NR2C2: variants seen among roughly 807,000 people sequenced by gnomAD.
NR2C2 encodes nuclear receptor subfamily 2 group C member 2.
A neutral mutation model predicts 62.9 loss-of-function variants in NR2C2; 6 were observed. The ratio of observed to expected loss-of-function variants is 0.10; its 90% CI spans 0.05 to 0.19. The LOEUF (loss-of-function observed/expected upper bound fraction) is 0.19. NR2C2 is among the 10% of genes least tolerant of loss of function. NR2C2 has a pLI of 1.00. For missense variants in NR2C2, 479 were observed against 762.7 expected, an observed-to-expected ratio of 0.63 and a Z score of 4.38; for synonymous variants, 272 against 273.8, an observed-to-expected ratio of 0.99 and a Z score of 0.07.
At chr3:15,001,069 C>T (rs1362010295) in intron 1 of NR2C2, among the ~76,000 whole-genome samples, 2 of 152,040 alleles carry the variant, frequency 1.3e-5, no homozygotes, top group Non-Finnish European at 2.9e-5. Context: ...CTGCCTCGGC[C>T]TCCCAAAGTG....
chr3:15,023,143 G>A (rs2125028697), intron 5 of NR2C2, 57 bp from the exon 6 acceptor site: 3 of 1,589,844 alleles, frequency 1.9e-6, no homozygotes, highest in African/African-American at 2.7e-5. Context: ...TTTCCCTTGT[G>A]GTTTTTATTG....
chr3:14,988,694 TATAGTC>T (rs960852461), intron 1 of NR2C2, among the ~76,000 whole-genome samples: 7 of 152,238 alleles, frequency 4.6e-5, no homozygotes, highest in Admixed American at 6.5e-5. Flanking sequence ...TGAAGGGACT[TATAGTC>T]AAAGGAGAAT....
intron 7 of NR2C2, chr3:15,026,381 T>C (rs913526637): frequency 3.9e-5 from 6 of 152,198 alleles, no homozygotes; most frequent in African/African-American, 7.2e-5. Context: ...TAGTGTATAA[T>C]GTAGTGGTTT....
intron 13 of NR2C2, among the ~76,000 whole-genome samples, chr3:15,040,635 G>A (rs2042233201): frequency 6.6e-6 from 1 of 152,236 alleles, no homozygotes; most frequent in Non-Finnish European, 1.5e-5. Context: ...GTGTCTTATG[G>A]CTGGCTGGTC....
intron 1 of NR2C2, among the ~76,000 whole-genome samples, chr3:14,969,369 A>C (rs2039969830): frequency 6.6e-6 from 1 of 150,982 alleles, no homozygotes; most frequent in Non-Finnish European, 1.5e-5. Flanking sequence ...TAGCCTCCCG[A>C]GTAGCTGGGA....
At chr3:15,001,382 T>C (rs1574986001) in intron 1 of NR2C2, among the ~76,000 whole-genome samples, 1 of 145,100 alleles carries the variant, frequency 6.9e-6, no homozygotes, top group African/African-American at 2.6e-5. Flanking sequence ...TCGCTCAGGC[T>C]GGAATGCAAT....
intron 1 of NR2C2, among the ~76,000 whole-genome samples, chr3:14,952,773 T>A (rs761183318): frequency 3.3e-5 from 5 of 151,794 alleles, no homozygotes; most frequent in Non-Finnish European, 7.4e-5. Flanking sequence ...TCTCCCATCC[T>A]GCCACTCTTT....
chr3:15,021,808 G>A (rs2041675141), intron 5 of NR2C2, among the ~76,000 whole-genome samples: 2 of 152,208 alleles, frequency 1.3e-5, no homozygotes, highest in South Asian at 4.1e-4. Context: ...TTTCAGTATT[G>A]CTGTTGACGT....
At chr3:14,950,707 C>T (rs9880403) in intron 1 of NR2C2, among the ~76,000 whole-genome samples, 9,372 of 152,276 alleles carry the variant, frequency 0.062, 369 homozygotes, top group East Asian at 0.13. Context: ...GTCCTTACCA[C>T]ACTGTAAGCT....
intron 5 of NR2C2, among the ~76,000 whole-genome samples, chr3:15,021,280 C>T (rs1005846093): frequency 6.6e-6 from 1 of 152,192 alleles, no homozygotes; most frequent in Non-Finnish European, 1.5e-5. Context: ...AGCCTCTCAG[C>T]CACAGGGTCC....
In NR2C2 at chr3:15,030,324, T is replaced by A; in HGVS notation, c.982T>A (p.Ser328Thr). 1 of 1,612,724 alleles carries A rather than the reference T, an allele frequency of 6.2e-7. No homozygotes were observed. The highest frequency in any genetic ancestry group is 8.5e-7 in the Non-Finnish European group (1 of 1,179,612). ...KALNTTDSSS[S>T]PSLADGIDTS... Reference sequence around the variant, plus strand: ...ACTTAATACCACAGACAGCTCCTCTTCTCCAAGCTTGGCAGATGGGATAGA... The same window carrying A: ...ACTTAATACCACAGACAGCTCCTCTACTCCAAGCTTGGCAGATGGGATAGA... The change falls in exon 9 of 14, where the codon TCT becomes ACT. Residue 328 changes from serine to threonine, a missense_variant. Ser to Thr is a moderately conservative substitution (Grantham distance 58). Transcript: ENST00000425241.
chr3:14,976,513 T>A (rs1574950937), intron 1 of NR2C2, among the ~76,000 whole-genome samples: 1 of 152,062 alleles, frequency 6.6e-6, no homozygotes, highest in South Asian at 2.1e-4. Context: ...CCCTACTGAT[T>A]GCTCTTTGAA....
At chr3:14,959,418 TCTCTC>T (rs2039626801) in intron 1 of NR2C2, 1 of 152,140 alleles carries the variant, frequency 6.6e-6, no homozygotes, top group African/African-American at 2.4e-5. Flanking sequence ...TGAAACTACT[TCTCTC>T]CTCCTCTGAC....
chr3:15,008,852 G>A (rs1236459758), intron 2 of NR2C2, among the ~76,000 whole-genome samples: 2 of 152,212 alleles, frequency 1.3e-5, no homozygotes, highest in Non-Finnish European at 2.9e-5. Flanking sequence ...CAAAAACTTT[G>A]TCAGTAACGT....
chr3:14,988,718 T>C (rs558924983), intron 1 of NR2C2, among the ~76,000 whole-genome samples: 1 of 152,324 alleles, frequency 6.6e-6, no homozygotes, highest in African/African-American at 2.4e-5. Context: ...AATCATCATC[T>C]CTTTTTTTTC....
intron 1 of NR2C2, among the ~76,000 whole-genome samples, chr3:14,962,946 C>A (rs538705285): frequency 1.3e-5 from 2 of 152,158 alleles, no homozygotes; most frequent in African/African-American, 4.8e-5. Flanking sequence ...TGGGTTGTTC[C>A]TTTAGTGATC....
intron 1 of NR2C2, among the ~76,000 whole-genome samples, chr3:14,954,783 TGTGTGTTCA>T (rs1428068053): frequency 2.0e-5 from 3 of 152,158 alleles, no homozygotes; most frequent in Admixed American, 2.0e-4. Context: ...ATGTGTGTTC[TGTGTGTTCA>T]GTTAGTGAAA....
chr3:15,048,087 C>A lies in NR2C2; in HGVS notation c.*5079C>A, dbSNP rs1364234749. ...GATTGCTGCAAAAACTCACATAATC[C>A]ACAGTTTCCTCTTTTTCTTTTTAAA... On this transcript the variant is annotated 3_prime_UTR_variant, in exon 14 of 14. Coordinates refer to ENST00000425241, the MANE Select transcript of NR2C2 (RefSeq NM_001291694.2). 2.0e-5 allele frequency: 3 copies of A among 152,632 alleles called. No individual in the cohort carries two copies. Among genetic ancestry groups the A allele is most frequent in the African/African-American group, 7.2e-5 (3 of 41,456 alleles). 9.5% of individuals were successfully genotyped at this position (152,632 alleles called of 1,614,324 possible).
In NR2C2 at chr3:15,048,519, A is replaced by G. The variant is rs1219835115; in HGVS notation, c.*5511A>G. 6.6e-6 allele frequency: 1 copy of G among 152,652 alleles called. No individual in the cohort carries two copies. Among genetic ancestry groups the G allele is most frequent in the Admixed American group, 6.5e-5 (1 of 15,286 alleles). 9.5% of individuals were successfully genotyped at this position (152,652 alleles called of 1,614,324 possible). ...ATATTTATACATGCAAAATAGAAAAAAAATGTTCAACATTTATTGATTGAT... is the reference window on the plus strand; with the variant it reads ...ATATTTATACATGCAAAATAGAAAAGAAATGTTCAACATTTATTGATTGAT... On this transcript the variant is annotated 3_prime_UTR_variant, in exon 14 of 14. Coordinates refer to ENST00000425241, the MANE Select transcript of NR2C2 (RefSeq NM_001291694.2).
Sources: allele counts gnomAD v4.1 joint callset (sites outside exome capture counted in the v4.1 genomes callset), GRCh38; gene constraint gnomAD v4.1.1; transcripts MANE v1.5; gene names NCBI Gene and HGNC (gene_info 2026-07-23, HGNC 2026-07-21).